The following ADAMTSL3 variants were observed in gnomAD, a reference collection of about 807,000 sequenced individuals.
ADAMTSL3 encodes the protein ADAMTS like 3, also known as ADAMTS-like protein 3.
A neutral mutation model predicts 201.7 loss-of-function variants in ADAMTSL3; 128 were observed. The ratio of observed to expected loss-of-function variants is 0.63; its 90% CI spans 0.55 to 0.73. ADAMTSL3 has a LOEUF of 0.73. Among genes scored for constraint, ADAMTSL3 ranks in the 30% least tolerant of loss-of-function variants. The pLI is 0.00. For synonymous variants in ADAMTSL3, 738 were observed against 748.4 expected (o/e 0.99, Z 0.23); for missense variants, 1,990 against 2,119.6 (o/e 0.94, Z 1.20).
At chr15:83,968,547 CT>C (rs1196191704) in intron 19 of ADAMTSL3, among the ~76,000 whole-genome samples, 1 of 152,220 alleles carries the variant, frequency 6.6e-6, no homozygotes, top group Non-Finnish European at 1.5e-5. Context: ...AATAGGAATG[CT>C]TTTACACTGT....
intron 12 of ADAMTSL3, 32 bp downstream of exon 12, chr15:83,891,411 A>G: frequency 1.9e-6 from 3 of 1,589,926 alleles, no homozygotes; most frequent in South Asian, 2.2e-5. Flanking sequence ...CCTTTTTGCA[A>G]TTTAAGTAGT....
At chr15:83,762,334 T>A in intron 3 of ADAMTSL3, among the ~76,000 whole-genome samples, 1 of 152,220 alleles carries the variant, frequency 6.6e-6, no homozygotes, top group African/African-American at 2.4e-5. Flanking sequence ...TCTGCTTCTG[T>A]GGACACACTC....
At chr15:83,974,649 T>C (rs551848776) in intron 20 of ADAMTSL3, among the ~76,000 whole-genome samples, 6 of 152,326 alleles carry the variant, frequency 3.9e-5, no homozygotes, top group Admixed American at 2.6e-4. Flanking sequence ...TGGACATTCT[T>C]TTTAAATATG....
intron 23 of ADAMTSL3, among the ~76,000 whole-genome samples, chr15:84,001,452 G>A (rs942609633): frequency 6.6e-6 from 1 of 152,210 alleles, no homozygotes; most frequent in South Asian, 2.1e-4. Flanking sequence ...TTGCAGATAA[G>A]GAAGCAAACT....
chr15:83,958,987 A>G (rs1266928191), intron 19 of ADAMTSL3, among the ~76,000 whole-genome samples: 1 of 152,212 alleles, frequency 6.6e-6, no homozygotes, highest in Non-Finnish European at 1.5e-5. Context: ...TATATAAAAG[A>G]CAAGGAAATA....
intron 29 of ADAMTSL3, among the ~76,000 whole-genome samples, chr15:84,037,265 A>T (rs776370344): frequency 6.6e-6 from 1 of 152,126 alleles, no homozygotes; most frequent in Non-Finnish European, 1.5e-5. Context: ...CTCTCCACAC[A>T]CTTCTCTTCT....
At chr15:84,037,079 G>T in intron 29 of ADAMTSL3, 92 bp downstream of exon 29, 1 of 1,333,466 alleles carries the variant, frequency 7.5e-7, no homozygotes. Flanking sequence ...CCCTGCTAGT[G>T]ATTACCTCAT....
At chr15:83,702,062 T>C (rs1037228626) in intron 2 of ADAMTSL3, among the ~76,000 whole-genome samples, 1 of 152,176 alleles carries the variant, frequency 6.6e-6, no homozygotes, top group Non-Finnish European at 1.5e-5. Context: ...GATGAGGAAC[T>C]TCTTGGGAAC....
intron 2 of ADAMTSL3, among the ~76,000 whole-genome samples, chr15:83,678,819 A>AATATAAATAT (rs1405108947): frequency 2.5e-5 from 2 of 78,970 alleles, no homozygotes; most frequent in African/African-American, 9.1e-5. Flanking sequence ...TATAATATAA[A>AATATAAATAT]ATATAAATAT....
At chr15:83,789,544 G>A (rs1021992124) in intron 4 of ADAMTSL3, among the ~76,000 whole-genome samples, 1 of 152,122 alleles carries the variant, frequency 6.6e-6, no homozygotes, top group African/African-American at 2.4e-5. Flanking sequence ...TAACTGGAGG[G>A]AGATGTGGCC....
chr15:83,931,421 A>T (rs2066353074), intron 17 of ADAMTSL3, among the ~76,000 whole-genome samples: 1 of 152,242 alleles, frequency 6.6e-6, no homozygotes. Flanking sequence ...AAAGATGATC[A>T]TCCTGAAGTC....
At position 84,025,450 on chromosome 15, in the gene ADAMTSL3, A is replaced by C; in HGVS notation, c.4656+14A>C. On this transcript the variant is annotated intron_variant, in intron 27 of 29. Coordinates refer to ENST00000286744, the MANE Select transcript of ADAMTSL3 (RefSeq NM_207517.3). ...CCAGGGAACCGGGTAAAGCTAACAC[A>C]TCTAGTTTGTGGACAGCACTATCTG... 1 of 1,611,792 alleles carries C rather than the reference A, an allele frequency of 6.2e-7. No homozygotes were observed. Among genetic ancestry groups the C allele is most frequent in the South Asian group, 1.1e-5 (1 of 90,652 alleles).
Position 83,813,734 on chromosome 15 carries a change from G to T in ADAMTSL3, c.364-6077G>T, listed in dbSNP as rs895573356. Among the ~76,000 whole-genome samples, 9 of 152,280 alleles carry T rather than the reference G, an allele frequency of 5.9e-5. No homozygotes were observed. The East Asian group carries it at 1.7e-3, about 29-fold the overall frequency. On this transcript the variant is annotated intron_variant, in intron 5 of 29. Coordinates refer to ENST00000286744, the MANE Select transcript of ADAMTSL3 (RefSeq NM_207517.3). ...CTGGGTACAGTGCCATGGCTCCTGG[G>T]TGACTGCTGTCTTCAGACATAACCT... is the stretch of plus-strand genomic sequence containing the variant.
In ADAMTSL3 at chr15:84,024,626, C is replaced by T. The variant is rs548355068; in HGVS notation, c.4458-612C>T. 2.6e-5 allele frequency among the ~76,000 whole-genome samples: 4 copies of T among 152,312 alleles called. No homozygotes were observed. In the South Asian group the frequency reaches 6.2e-4, roughly 24 times the overall value. On this transcript the variant is annotated intron_variant, in intron 26 of 29. Coordinates refer to ENST00000286744, the MANE Select transcript of ADAMTSL3 (RefSeq NM_207517.3). ...TCTCCCAACAGCATCTTTGTCCCAA[C>T]AGACAAAGCACTCAATATCTCAAAG...
chr15:83,965,349 CAAA>C lies in ADAMTSL3; in HGVS notation c.2491-5118_2491-5116del, dbSNP rs143907808. On this transcript the variant is annotated intron_variant, in intron 19 of 29. Transcript: ENST00000286744. ...GAATATTTACCAAGCAAATGGAAAG[CAAA>C]AAAAAAAAAAAAAAAAGCAGGGGTT... 3.4e-3 allele frequency among the ~76,000 whole-genome samples: 331 copies of C among 98,378 alleles called. 1 individual carries two copies. Among genetic ancestry groups the C allele is most frequent in the African/African-American group, 4.7e-3 (122 of 25,982 alleles). The allele number at this position is 98,378 out of a possible 152,430, so 64.5% of individuals were successfully genotyped here.
chr15:83,953,908 T>G (rs1319763671), intron 19 of ADAMTSL3, among the ~76,000 whole-genome samples: 1 of 152,236 alleles, frequency 6.6e-6, no homozygotes, highest in East Asian at 1.9e-4. Context: ...TTTCCAGACT[T>G]ATTAGAACCC....
At chr15:83,949,751 CTGG>C (rs1379341537) in intron 19 of ADAMTSL3, among the ~76,000 whole-genome samples, 1 of 152,170 alleles carries the variant, frequency 6.6e-6, no homozygotes, top group African/African-American at 2.4e-5. Flanking sequence ...TCGCATTTCT[CTGG>C]TGATCATTGA....
intron 17 of ADAMTSL3, among the ~76,000 whole-genome samples, chr15:83,929,630 C>G (rs751066565): frequency 2.6e-5 from 4 of 151,756 alleles, no homozygotes; most frequent in Non-Finnish European, 5.9e-5. Context: ...CATATAAATG[C>G]CTTTGTGACC....
chr15:83,814,297 G>A (rs1221752375), intron 5 of ADAMTSL3, among the ~76,000 whole-genome samples: 1 of 152,096 alleles, frequency 6.6e-6, no homozygotes, highest in South Asian at 2.1e-4. Context: ...GCCATCTTGC[G>A]ATTATACTGT....
Sources: allele counts gnomAD v4.1 joint callset (sites outside exome capture counted in the v4.1 genomes callset), GRCh38; gene constraint gnomAD v4.1.1; transcripts MANE v1.5; gene names NCBI Gene and HGNC (gene_info 2026-07-23, HGNC 2026-07-21).